NDUFAF2: variants seen among roughly 807,000 people sequenced by gnomAD.
NDUFAF2 encodes NADH dehydrogenase [ubiquinone] 1 alpha subcomplex assembly factor 2.
NDUFAF2 carries 13 observed loss-of-function variants against 22.8 expected under a neutral mutation model. The ratio of observed to expected loss-of-function variants is 0.57; its 90% CI spans 0.37 to 0.91. The LOEUF (loss-of-function observed/expected upper bound fraction) is 0.91. NDUFAF2 is among the 40% of genes least tolerant of loss of function. The pLI is 0.01. For synonymous variants in NDUFAF2, 53 were observed against 64.2 expected (o/e 0.83, Z 0.84); for missense variants, 162 against 195.2 (o/e 0.83, Z 1.01).
chr5:61,107,928 G>A (rs1469112041), intron 3 of NDUFAF2, among the ~76,000 whole-genome samples: 1 of 148,634 alleles, frequency 6.7e-6, no homozygotes, highest in Admixed American at 6.7e-5. Context: ...TTGGTTTTTT[G>A]TTCTTGCGAT....
At chr5:61,103,685 A>G (rs530234036) in intron 3 of NDUFAF2, among the ~76,000 whole-genome samples, 10 of 152,250 alleles carry the variant, frequency 6.6e-5, no homozygotes, top group African/African-American at 1.9e-4. Context: ...TTGAATTTCT[A>G]TCAGCCAACT....
chr5:61,087,521 T>C (rs965958292), intron 2 of NDUFAF2, among the ~76,000 whole-genome samples: 8 of 152,198 alleles, frequency 5.3e-5, no homozygotes, highest in African/African-American at 1.7e-4. Context: ...TTCATGAAGA[T>C]GTAAAGTACC....
intron 3 of NDUFAF2, among the ~76,000 whole-genome samples, chr5:61,130,111 AT>A (rs1753090754): frequency 6.6e-6 from 1 of 152,154 alleles, no homozygotes; most frequent in East Asian, 1.9e-4. Context: ...TTTTAAAAAA[AT>A]GGTTTTACCT....
Position 61,094,880 on chromosome 5 carries a change from GA to G in NDUFAF2, c.218-4110del, listed in dbSNP as rs1352925197. ...GGAGATACAGACCTGTTGCCGGCCT[GA>G]ATGCACTTGTAGGAGGGGGCTAGAG... On this transcript the variant is annotated intron_variant, in intron 2 of 3. Coordinates refer to ENST00000296597, the MANE Select transcript of NDUFAF2 (RefSeq NM_174889.5). Among the ~76,000 whole-genome samples the G allele has an allele frequency of 3.9e-5, 6 of 152,270 alleles. No homozygotes were observed. The South Asian group carries it at 6.2e-4, about 16-fold the overall frequency.
intron 1 of NDUFAF2, among the ~76,000 whole-genome samples, chr5:60,969,564 G>T (rs1321512992): frequency 1.3e-5 from 2 of 150,894 alleles, no homozygotes; most frequent in African/African-American, 2.4e-5. Flanking sequence ...GGATTATCAG[G>T]TTTTTTTTTA....
At chr5:61,036,226 G>A (rs1172857407) in intron 1 of NDUFAF2, among the ~76,000 whole-genome samples, 6 of 152,188 alleles carry the variant, frequency 3.9e-5, no homozygotes, top group Non-Finnish European at 8.8e-5. Context: ...AAATGTATAC[G>A]AGCTTGTGCA....
At position 61,010,699 on chromosome 5, in the gene NDUFAF2, A is replaced by G. The variant is rs116233559; in HGVS notation, c.128-62426A>G. ...TATGCAGCTATTTGCCTTGCATTAT[A>G]TATTCATCCCTTCTTCTTTCAGTAA... On this transcript the variant is annotated intron_variant, in intron 1 of 3. Transcript: ENST00000296597. Among the ~76,000 whole-genome samples the G allele has an allele frequency of 5.3e-3, 803 of 152,182 alleles. 10 individuals are homozygous for G. The highest frequency in any genetic ancestry group is 0.019 in the African/African-American group (775 of 41,528).
intron 1 of NDUFAF2, among the ~76,000 whole-genome samples, chr5:61,006,774 A>G (rs752992296): frequency 2.0e-5 from 3 of 152,108 alleles, no homozygotes; most frequent in Admixed American, 1.3e-4. Flanking sequence ...AATGTATTGC[A>G]GTACAGGTAT....
chr5:61,104,156 T>C (rs1752734006), intron 3 of NDUFAF2, among the ~76,000 whole-genome samples: 1 of 152,104 alleles, frequency 6.6e-6, no homozygotes, highest in African/African-American at 2.4e-5. Context: ...GAGGAGCATC[T>C]GGTAATAGTT....
intron 1 of NDUFAF2, among the ~76,000 whole-genome samples, chr5:60,974,280 T>C (rs1210585480): frequency 6.6e-6 from 1 of 152,190 alleles, no homozygotes; most frequent in Non-Finnish European, 1.5e-5. Context: ...CTCCAAGTTC[T>C]TAAGCTTTTG....
chr5:60,950,982 T>C (rs1750538257), intron 1 of NDUFAF2, among the ~76,000 whole-genome samples: 1 of 152,138 alleles, frequency 6.6e-6, no homozygotes, highest in African/African-American at 2.4e-5. Context: ...TAATATGCAC[T>C]TAAGTTTCCT....
chr5:61,067,069 A>G (rs1752236786), intron 1 of NDUFAF2, among the ~76,000 whole-genome samples: 1 of 152,278 alleles, frequency 6.6e-6, no homozygotes, highest in East Asian at 1.9e-4. Context: ...ATTCATGCTA[A>G]ATGAGTAGAT....
At chr5:60,990,090 G>T (rs951777129) in intron 1 of NDUFAF2, among the ~76,000 whole-genome samples, 1 of 152,128 alleles carries the variant, frequency 6.6e-6, no homozygotes, top group Non-Finnish European at 1.5e-5. Context: ...ATTTGTGGGA[G>T]CTAAAAATTA....
At chr5:60,952,212 T>C (rs1750556885) in intron 1 of NDUFAF2, among the ~76,000 whole-genome samples, 1 of 152,042 alleles carries the variant, frequency 6.6e-6, no homozygotes, top group African/African-American at 2.4e-5. Flanking sequence ...TTTCAGAACT[T>C]ATCGCTTTCT....
chr5:61,119,856 A>G (rs144981190), intron 3 of NDUFAF2, among the ~76,000 whole-genome samples: 23 of 152,284 alleles, frequency 1.5e-4, no homozygotes, highest in African/African-American at 5.3e-4. Flanking sequence ...CTATGATCTT[A>G]CTTGATTTAT....
At chr5:61,007,227 T>G (rs1751379108) in intron 1 of NDUFAF2, among the ~76,000 whole-genome samples, 1 of 151,968 alleles carries the variant, frequency 6.6e-6, no homozygotes, top group Admixed American at 6.6e-5. Flanking sequence ...CTAGGTTTTC[T>G]TCTAGGGTTT....
At chr5:60,956,209 G>C (rs759718875) in intron 1 of NDUFAF2, among the ~76,000 whole-genome samples, 5 of 152,054 alleles carry the variant, frequency 3.3e-5, no homozygotes, top group Non-Finnish European at 7.4e-5. Context: ...CCTCTATGTT[G>C]ACTTTGTATC....
intron 1 of NDUFAF2, among the ~76,000 whole-genome samples, chr5:61,008,505 G>C (rs1294939105): frequency 6.6e-6 from 1 of 152,076 alleles, no homozygotes; most frequent in Non-Finnish European, 1.5e-5. Flanking sequence ...TTCTCTCAAT[G>C]TTCAAAACAA....
chr5:60,972,786 T>C (rs892771040), intron 1 of NDUFAF2, among the ~76,000 whole-genome samples: 2 of 150,358 alleles, frequency 1.3e-5, no homozygotes, highest in Non-Finnish European at 3.0e-5. Context: ...TTTTTTTTTT[T>C]TGGTTTTCTT....
Sources: gnomAD v4.1 joint callset for allele counts (sites outside exome capture counted in the v4.1 genomes callset) on GRCh38, gnomAD v4.1.1 for gene constraint, MANE v1.5 for transcripts, NCBI Gene and HGNC (gene_info 2026-07-23, HGNC 2026-07-21) for gene names.